Variants in LOXL2 observed in about 807,000 individuals in gnomAD.
The protein encoded by LOXL2 is lysyl oxidase homolog 2.
LOXL2 carries 70 observed loss-of-function variants against 93.0 expected under a neutral mutation model. That is an observed-to-expected ratio of 0.75 (90% CI 0.62 to 0.92). The LOEUF (loss-of-function observed/expected upper bound fraction) is 0.92, where lower values mean the gene tolerates loss of function less well. Ranked by LOEUF, LOXL2 falls within the 40% of genes least tolerant of loss-of-function variation. LOXL2 has a pLI of 0.00. For missense variants in LOXL2, 973 were observed against 1,054.9 expected (o/e 0.92, Z 1.08); for synonymous variants, 438 against 413.2 (o/e 1.06, Z -0.73).
chr8:23,333,467 A>G lies in LOXL2; in HGVS notation c.900T>C (p.Ser300=). Residue 300 remains serine, a synonymous_variant, in exon 5 of 14, where the codon AGT becomes AGC. Transcript: ENST00000389131. ...TCENGLPAVV[S]CVPGQVFSPD... ...GGCTGAAGACCTGCCCAGGCACACA[A>G]CTCACCACGGCCGGTAGCCCATTCT... The G allele has an allele frequency of 1.2e-6, 2 of 1,613,588 alleles. No homozygotes were observed. The highest frequency in any genetic ancestry group is 1.7e-6 in the Non-Finnish European group (2 of 1,179,966).
At position 23,348,643 on chromosome 8, in the gene LOXL2, C is replaced by T. The variant is rs574396446; in HGVS notation, c.532-7440G>A. 6.4e-4 allele frequency among the ~76,000 whole-genome samples: 97 copies of T among 152,076 alleles called. 1 individual carries two copies. The highest frequency in any genetic ancestry group is 4.9e-4 in the Non-Finnish European group (33 of 68,002). On this transcript the variant is annotated intron_variant, in intron 3 of 13. Transcript: ENST00000389131. ...CTGTAATCCTAGCACTTTGGGAGGC[C>T]GAGGCGGGTGGATCACGAGGCCAGG...
intron 3 of LOXL2, among the ~76,000 whole-genome samples, chr8:23,356,040 A>G (rs77244054): frequency 8.1e-4 from 123 of 152,230 alleles, no homozygotes; most frequent in African/African-American, 2.8e-3. Flanking sequence ...TGGGCCCATT[A>G]TTTCAACCTA....
At chr8:23,319,843 G>A (rs1376400964) in intron 8 of LOXL2, 42 bp downstream of exon 8, 1 of 1,597,910 alleles carries the variant, frequency 6.3e-7, no homozygotes, top group Non-Finnish European at 8.5e-7. Context: ...TGGTCAGACT[G>A]CATGGGGGGT....
chr8:23,352,032 C>T (rs1167793546), intron 3 of LOXL2, among the ~76,000 whole-genome samples: 4 of 147,218 alleles, frequency 2.7e-5, no homozygotes, highest in African/African-American at 5.3e-5. Context: ...AGGCTGGTCT[C>T]GAACTCCTGA....
chr8:23,397,762 G>C (rs1334058535), intron 1 of LOXL2, among the ~76,000 whole-genome samples: 1 of 140,714 alleles, frequency 7.1e-6, no homozygotes, highest in Non-Finnish European at 1.5e-5. Flanking sequence ...CTGGGCAACA[G>C]AGCAAGACTC....
chr8:23,393,326 AG>A (rs1800037361), intron 1 of LOXL2, among the ~76,000 whole-genome samples: 1 of 152,262 alleles, frequency 6.6e-6, no homozygotes, highest in Non-Finnish European at 1.5e-5. Context: ...ACAAAAGTCA[AG>A]GCAGTATGGT....
chr8:23,317,308 GAGT>G (rs1477805614), intron 8 of LOXL2, among the ~76,000 whole-genome samples, 194 bp from the exon 9 acceptor site: 4 of 152,198 alleles, frequency 2.6e-5, no homozygotes, highest in Admixed American at 2.6e-4. Context: ...CAGGTCTCCT[GAGT>G]GTAGCACTTG....
At chr8:23,334,821 G>GT (rs201308827) in intron 4 of LOXL2, among the ~76,000 whole-genome samples, 31,762 of 142,802 alleles carry the variant, frequency 0.22, 3,772 homozygotes, top group South Asian at 0.36. Flanking sequence ...ATTTGTTGTT[G>GT]TTTTTTTTTT....
intron 9 of LOXL2, among the ~76,000 whole-genome samples, chr8:23,313,948 A>T: frequency 1.3e-5 from 1 of 78,564 alleles, no homozygotes. Context: ...ACAAATTTAC[A>T]AGAAAAAAAC....
At chr8:23,394,545 T>G (rs564651053) in intron 1 of LOXL2, among the ~76,000 whole-genome samples, 1 of 151,928 alleles carries the variant, frequency 6.6e-6, no homozygotes, top group African/African-American at 2.4e-5. Context: ...CAAAGTACCA[T>G]GAGATACCAC....
intron 10 of LOXL2, among the ~76,000 whole-genome samples, chr8:23,305,049 C>T (rs1803207960): frequency 6.6e-6 from 1 of 152,160 alleles, no homozygotes; most frequent in African/African-American, 2.4e-5. Flanking sequence ...AGAACATTCA[C>T]AAGGAGGCAT....
chr8:23,335,947 A>G (rs566755347), intron 4 of LOXL2, among the ~76,000 whole-genome samples: 2 of 152,322 alleles, frequency 1.3e-5, no homozygotes, highest in South Asian at 4.1e-4. Context: ...TGGCAAATTC[A>G]GGGTGCGTGC....
At chr8:23,331,695 GCT>G (rs1265839146) in intron 5 of LOXL2, 1 of 152,194 alleles carries the variant, frequency 6.6e-6, no homozygotes, top group African/African-American at 2.4e-5. Context: ...TAGGGCATTT[GCT>G]CTTTGTCAGA....
intron 1 of LOXL2, among the ~76,000 whole-genome samples, chr8:23,387,646 T>C (rs1292600557): frequency 6.6e-6 from 1 of 152,180 alleles, no homozygotes; most frequent in Non-Finnish European, 1.5e-5. Context: ...GGAAACAATA[T>C]GTACTTAAAA....
intron 8 of LOXL2, among the ~76,000 whole-genome samples, chr8:23,318,448 C>G (rs996084006): frequency 6.8e-6 from 1 of 146,464 alleles, no homozygotes; most frequent in African/African-American, 2.7e-5. Flanking sequence ...CACACACACA[C>G]ACACACACAC....
At chr8:23,342,645 A>G (rs1381422579) in intron 3 of LOXL2, among the ~76,000 whole-genome samples, 6 of 152,000 alleles carry the variant, frequency 3.9e-5, no homozygotes, top group Non-Finnish European at 8.8e-5. Context: ...GTTAGCCAGG[A>G]TGGTCTCGAT....
At chr8:23,331,794 G>T (rs1460322447) in intron 5 of LOXL2, 1 of 152,182 alleles carries the variant, frequency 6.6e-6, no homozygotes, top group South Asian at 2.1e-4. Flanking sequence ...CCAGCACTTT[G>T]GGAGGCTGAG....
At chr8:23,348,346 G>A (rs1402289647) in intron 3 of LOXL2, among the ~76,000 whole-genome samples, 2 of 151,906 alleles carry the variant, frequency 1.3e-5, no homozygotes, top group African/African-American at 4.8e-5. Context: ...CATGGCACAT[G>A]TATACCTATG....
chr8:23,312,248 G>T (rs1165430961), intron 9 of LOXL2, among the ~76,000 whole-genome samples: 1 of 150,476 alleles, frequency 6.6e-6, no homozygotes, highest in Non-Finnish European at 1.5e-5. Flanking sequence ...CATTCCTTCT[G>T]AAACTATTCC....
Sources: allele counts gnomAD v4.1 joint callset (sites outside exome capture counted in the v4.1 genomes callset), GRCh38; gene constraint gnomAD v4.1.1; transcripts MANE v1.5; gene names NCBI Gene and HGNC (gene_info 2026-07-23, HGNC 2026-07-21).